EIF3B: variants seen among roughly 807,000 people sequenced by gnomAD.
EIF3B encodes eukaryotic translation initiation factor 3 subunit B, also known as eukaryotic translation initiation factor 3 subunit 9.
EIF3B carries 10 observed loss-of-function variants against 104.6 expected under a neutral mutation model. The ratio of observed to expected loss-of-function variants is 0.10; its 90% CI spans 0.06 to 0.16. EIF3B has a LOEUF of 0.16. EIF3B is among the 10% of genes least tolerant of loss of function. The pLI is 1.00. For missense variants in EIF3B, 1,014 were observed against 1,087.9 expected (o/e 0.93, Z 0.96); for synonymous variants, 542 against 417.2 (o/e 1.30, Z -3.65).
chr7:2,370,481 C>CA (rs567485559), intron 10 of EIF3B, among the ~76,000 whole-genome samples: 27 of 150,466 alleles, frequency 1.8e-4, no homozygotes, highest in Non-Finnish European at 3.3e-4. Flanking sequence ...CTGCGTCTCA[C>CA]AAAAAAAAAG....
rs569483143 is a variant in EIF3B at position 2,355,160 on chromosome 7, C to T, written c.239C>T (p.Pro80Leu). 6.9e-7 allele frequency: 1 copy of T among 1,451,496 alleles called. No individual in the cohort carries two copies. Among genetic ancestry groups the T allele is most frequent in the East Asian group, 3.0e-5 (1 of 33,770 alleles). The allele number at this position is 1,451,496 out of a possible 1,614,324, so 89.9% of individuals were successfully genotyped here. The change falls in exon 1 of 19, where the codon CCG (proline) becomes CTG (leucine). Residue 80 changes from proline (P) to leucine (L), a missense_variant. This residue lies in a region of EIF3B where 488 missense variants were observed against 404.3 expected (regional missense o/e 1.21). Transcript: ENST00000360876. Reference protein sequence around the residue: ...PAAEAEAASGPSESPSPPAAE... With the variant: ...PAAEAEAASGLSESPSPPAAE... ...GCCGAGGCAGAGGCGGCCTCCGGCCCGTCCGAGTCGCCCTCGCCGCCGGCC... is the reference window on the plus strand; with the variant it reads ...GCCGAGGCAGAGGCGGCCTCCGGCCTGTCCGAGTCGCCCTCGCCGCCGGCC...
At chr7:2,378,292 A>G in intron 15 of EIF3B, 1 of 228,248 alleles carries the variant, frequency 4.4e-6, no homozygotes, top group South Asian at 5.9e-5. Flanking sequence ...CCTCGGTGTC[A>G]TGGAGGAAGG....
chr7:2,366,328 C>A lies in EIF3B; in HGVS notation c.1169C>A (p.Thr390Asn), dbSNP rs1191425324. ...DFSPCERYLVTFSPLMDTQDD... is the reference protein window; with the variant it reads ...DFSPCERYLVNFSPLMDTQDD... ...CCCTTCTCTTCTAGGTACCTGGTGA[C>A]CTTTAGCCCCCTGATGGACACGCAG... The change falls in exon 7 of 19, where the codon ACC (threonine) becomes AAC (asparagine). Residue 390 changes from threonine (T) to asparagine (N), a missense_variant. Physicochemically the swap from Thr to Asn is moderately conservative, Grantham distance 65. Coordinates refer to ENST00000360876, the MANE Select transcript of EIF3B (RefSeq NM_001037283.2). 6.2e-7 allele frequency: 1 copy of A among 1,609,078 alleles called. No homozygotes were observed. The highest frequency in any genetic ancestry group is 1.7e-5 in the Admixed American group (1 of 59,264).
intron 4 of EIF3B, 39 bp from the exon 5 acceptor site, chr7:2,363,593 A>G (rs1779856537): frequency 3.8e-6 from 6 of 1,561,674 alleles, no homozygotes; most frequent in African/African-American, 1.4e-5. Context: ...TTTTTATTAA[A>G]ATTAATGAAA....
chr7:2,365,901 GT>G (rs1779999072), intron 6 of EIF3B, among the ~76,000 whole-genome samples: 1 of 152,020 alleles, frequency 6.6e-6, no homozygotes, highest in African/African-American at 2.4e-5. Flanking sequence ...GGCCAAGCTT[GT>G]CTTAAACTCC....
rs150993211 is a variant in EIF3B, at chr7:2,379,221, G to A, written c.2320G>A (p.Glu774Lys). ...GGAGCTCTATATGGAGCAGAAAAAC[G>A]AGCGCCTGGAGTTGCGAGGAGGTAA... ...AQELYMEQKN[E>K]RLELRGGVDT... Residue 774 changes from glutamate to lysine, a missense_variant, in exon 17 of 19, where the codon GAG becomes AAG. This residue lies in a region of EIF3B where 266 missense variants were observed against 324.0 expected (regional missense o/e 0.82). Transcript: ENST00000360876. 47 of 1,612,756 alleles carry A rather than the reference G, an allele frequency of 2.9e-5. 1 individual carries two copies. The highest frequency in any genetic ancestry group is 3.6e-5 in the Non-Finnish European group (43 of 1,179,480).
At chr7:2,373,526 C>T (rs549370248) in intron 12 of EIF3B, 1 of 152,306 alleles carries the variant, frequency 6.6e-6, no homozygotes, top group South Asian at 2.1e-4. Flanking sequence ...GTTGGAATCT[C>T]CTGGCCGCAC....
chr7:2,355,238 A>T lies in EIF3B; in HGVS notation c.317A>T (p.Glu106Val), dbSNP rs1410708646. ...HAEPPVPAQGEAPGEQARDER... is the reference protein window; with the variant it reads ...HAEPPVPAQGVAPGEQARDER... ...GAGCCCCCTGTCCCGGCACAGGGCGAGGCCCCAGGAGAGCAGGCTCGGGAC... is the reference window on the plus strand; with the variant it reads ...GAGCCCCCTGTCCCGGCACAGGGCGTGGCCCCAGGAGAGCAGGCTCGGGAC... The change falls in exon 1 of 19, where the codon GAG becomes GTG. Residue 106 changes from glutamate to valine, a missense_variant. Physicochemically the swap from Glu to Val is moderately radical, Grantham distance 121. This residue lies in a region of EIF3B where 488 missense variants were observed against 404.3 expected (regional missense o/e 1.21). Coordinates refer to ENST00000360876, the MANE Select transcript of EIF3B (RefSeq NM_001037283.2). 1 of 1,512,028 alleles carries T rather than the reference A, an allele frequency of 6.6e-7. No homozygotes were observed. Among genetic ancestry groups the T allele is most frequent in the Admixed American group, 2.0e-5 (1 of 48,982 alleles). The allele number at this position is 1,512,028 out of a possible 1,614,324, so 93.7% of individuals were successfully genotyped here. A position where few individuals can be genotyped will look rare whatever the true frequency, so the allele number is the denominator to read the frequency against.
Position 2,374,512 on chromosome 7 carries a change from C to T in EIF3B, c.1811-16C>T, listed in dbSNP as rs558019013. ...AAGCCCTCGCAGCTCGTGACAGGCG[C>T]GCTCTTTCCTTTCAGAGATGTTCGA... On this transcript the variant is annotated splice_polypyrimidine_tract_variant and intron_variant, in intron 12 of 18. Transcript: ENST00000360876. The T allele has an allele frequency of 2.4e-5, 38 of 1,613,328 alleles. No individual in the cohort carries two copies. The highest frequency in any genetic ancestry group is 3.0e-5 in the Non-Finnish European group (35 of 1,179,626).
At chr7:2,376,628 A>G in intron 14 of EIF3B, 1 of 289,186 alleles carries the variant, frequency 3.5e-6, no homozygotes. Context: ...TCCAGTTTAA[A>G]TCCAGCACGG....
At chr7:2,364,087 C>T (rs1779880858) in intron 5 of EIF3B, among the ~76,000 whole-genome samples, 1 of 152,080 alleles carries the variant, frequency 6.6e-6, no homozygotes, top group South Asian at 2.1e-4. Context: ...CGGTGAAACC[C>T]CGTCTCTACT....
chr7:2,376,820 T>C, intron 14 of EIF3B, 130 bp from the exon 15 acceptor site: 1 of 1,374,784 alleles, frequency 7.3e-7, no homozygotes, highest in South Asian at 1.5e-5. Context: ...TGCTGTCAGC[T>C]CAGCACAGGC....
intron 2 of EIF3B, among the ~76,000 whole-genome samples, chr7:2,362,386 T>A (rs1779779270): frequency 6.6e-6 from 1 of 152,216 alleles, no homozygotes; most frequent in Non-Finnish European, 1.5e-5. Context: ...GTCAAAATAA[T>A]GGACGTTTTG....
intron 6 of EIF3B, 34 bp from the exon 7 acceptor site, chr7:2,366,283 G>A: frequency 6.4e-7 from 1 of 1,551,496 alleles, no homozygotes; most frequent in Non-Finnish European, 8.7e-7. Context: ...CTCGTGAGAG[G>A]AGGATAGTGT....
intron 17 of EIF3B, 72 bp from the exon 18 acceptor site, chr7:2,379,322 C>G: frequency 6.4e-7 from 1 of 1,553,860 alleles, no homozygotes; most frequent in Non-Finnish European, 8.8e-7. Flanking sequence ...CTCCTGCGTT[C>G]CTTCCCACTG....
At chr7:2,356,371 G>C (rs1362983868) in intron 1 of EIF3B, among the ~76,000 whole-genome samples, 2 of 151,742 alleles carry the variant, frequency 1.3e-5, no homozygotes, top group Non-Finnish European at 2.9e-5. Flanking sequence ...CCAGCACTTT[G>C]GGAGGCCGAG....
chr7:2,371,608 T>G (rs116316517), intron 10 of EIF3B, among the ~76,000 whole-genome samples, 169 bp from the exon 11 acceptor site: 1,955 of 152,282 alleles, frequency 0.013, 44 homozygotes, highest in African/African-American at 0.044. Flanking sequence ...TTCTCCAGCC[T>G]TAGAACCGTC....
chr7:2,365,055 G>A (rs1022829536), intron 6 of EIF3B, among the ~76,000 whole-genome samples: 18 of 152,324 alleles, frequency 1.2e-4, no homozygotes, highest in African/African-American at 2.6e-4. Context: ...CAGGTCAAGC[G>A]GTTCTCCCAC....
chr7:2,367,725 C>T (rs1333106225), intron 9 of EIF3B, among the ~76,000 whole-genome samples: 11 of 151,720 alleles, frequency 7.3e-5, no homozygotes, highest in Non-Finnish European at 1.6e-4. Flanking sequence ...GCCTCAGCCT[C>T]CCAAAGTGCT....
Sources: allele counts gnomAD v4.1 joint callset (sites outside exome capture counted in the v4.1 genomes callset), GRCh38; gene constraint gnomAD v4.1.1; regional missense constraint gnomAD v4.1.1; transcripts MANE v1.5; gene names NCBI Gene and HGNC (gene_info 2026-07-23, HGNC 2026-07-21).